Variants in SH3GL3 observed in about 807,000 individuals in gnomAD.
SH3GL3 encodes endophilin-A3.
Under a neutral mutation model 47.7 loss-of-function variants are expected in SH3GL3, and 33 were observed. The observed-to-expected ratio is 0.69, with a 90% CI of 0.52 to 0.92. The LOEUF (loss-of-function observed/expected upper bound fraction) is 0.92, where lower values mean the gene tolerates loss of function less well. Among genes scored for constraint, SH3GL3 ranks in the 40% least tolerant of loss-of-function variants. The probability of loss-of-function intolerance (pLI) is 0.00; values close to 1 mark genes in which losing one functional copy is unlikely to be tolerated. For synonymous variants in SH3GL3, 155 were observed against 148.8 expected (o/e 1.04, Z -0.30); for missense variants, 363 against 417.8 (o/e 0.87, Z 1.14).
At chr15:83,547,589 G>A (rs79023463) in intron 1 of SH3GL3, among the ~76,000 whole-genome samples, 142 of 152,042 alleles carry the variant, frequency 9.3e-4, no homozygotes, top group African/African-American at 3.4e-3. Context: ...TGTGTGGATA[G>A]TTGTTCTATT....
intron 1 of SH3GL3, among the ~76,000 whole-genome samples, chr15:83,548,531 T>A (rs73448439): frequency 0.19 from 29,020 of 152,016 alleles, 3,240 homozygotes; most frequent in Admixed American, 0.26. Flanking sequence ...GAAGATTTCT[T>A]TGATGTTGCC....
intron 1 of SH3GL3, among the ~76,000 whole-genome samples, chr15:83,502,043 T>C (rs2042318221): frequency 6.6e-6 from 1 of 152,258 alleles, no homozygotes. Flanking sequence ...TAACCAAGAC[T>C]AAGCTTCACT....
intron 6 of SH3GL3, among the ~76,000 whole-genome samples, chr15:83,581,850 A>G (rs1335083647): frequency 6.6e-6 from 1 of 152,218 alleles, no homozygotes; most frequent in Non-Finnish European, 1.5e-5. Context: ...GCTGGATTAG[A>G]GACATTGAGC....
At chr15:83,453,476 A>G (rs2039875501) in intron 1 of SH3GL3, among the ~76,000 whole-genome samples, 1 of 139,032 alleles carries the variant, frequency 7.2e-6, no homozygotes, top group African/African-American at 2.7e-5. Flanking sequence ...TTATTGCCAC[A>G]ATTTCAGAGC....
In SH3GL3 at chr15:83,585,991, A is replaced by T. The variant is rs995241869; in HGVS notation, c.625-992A>T. ...AGATTGCATAAATGAATCAGCAGGC[A>T]GACTTTGCCCTAAAGCTGAGTAGAA... is the stretch of plus-strand genomic sequence containing the variant. On this transcript the variant is annotated intron_variant, in intron 6 of 8. Coordinates refer to ENST00000427482, the MANE Select transcript of SH3GL3 (RefSeq NM_003027.5). Among the ~76,000 whole-genome samples, 3 of 152,250 alleles carry T rather than the reference A, an allele frequency of 2.0e-5. No homozygotes were observed. In the South Asian group the frequency reaches 6.2e-4, roughly 31 times the overall value.
chr15:83,607,111 C>T (rs1022301077), intron 8 of SH3GL3, among the ~76,000 whole-genome samples: 5 of 152,084 alleles, frequency 3.3e-5, no homozygotes, highest in Non-Finnish European at 7.4e-5. Flanking sequence ...TTTGAAAAGC[C>T]GTAAGACATA....
chr15:83,471,894 T>C lies in SH3GL3; in HGVS notation c.45+24316T>C, dbSNP rs2040845221. On this transcript the variant is annotated intron_variant, in intron 1 of 8. Transcript: ENST00000427482. ...GGTGTGGATTTCTTTTCTTTTCTTT[T>C]TTTTTTGAGACAGAGTCTCGCTCTT... Among the ~76,000 whole-genome samples the C allele has an allele frequency of 2.0e-5, 3 of 152,208 alleles. No homozygotes were observed. In the South Asian group the frequency reaches 6.2e-4, roughly 32 times the overall value.
At chr15:83,533,788 T>TC (rs1481321166) in intron 1 of SH3GL3, among the ~76,000 whole-genome samples, 1 of 152,224 alleles carries the variant, frequency 6.6e-6, no homozygotes, top group Non-Finnish European at 1.5e-5. Flanking sequence ...GATTGCAGTA[T>TC]GGCTTTGATC....
intron 1 of SH3GL3, among the ~76,000 whole-genome samples, chr15:83,481,274 CAA>C (rs5814148): frequency 0.02 from 2,375 of 116,154 alleles, 20 homozygotes; most frequent in African/African-American, 0.024. Context: ...CATTCTGTCT[CAA>C]AAAAAAAAAA....
the SH3GL3 span, among the ~76,000 whole-genome samples, chr15:83,633,661 C>T: frequency 6.6e-6 from 1 of 152,218 alleles, no homozygotes; most frequent in Non-Finnish European, 1.5e-5. Flanking sequence ...ATGGGCCCCC[C>T]ACCTGCTTGC....
chr15:83,472,667 T>C (rs546138657), intron 1 of SH3GL3, among the ~76,000 whole-genome samples: 1 of 152,358 alleles, frequency 6.6e-6, no homozygotes, highest in Non-Finnish European at 1.5e-5. Flanking sequence ...TGTCAGATAA[T>C]TTTAATGGTT....
At chr15:83,463,477 A>G (rs77187572) in intron 1 of SH3GL3, among the ~76,000 whole-genome samples, 4 of 152,320 alleles carry the variant, frequency 2.6e-5, no homozygotes, top group African/African-American at 4.8e-5. Flanking sequence ...GTGAGATTAC[A>G]TTATAGTAAG....
intron 1 of SH3GL3, chr15:83,490,718 T>G: frequency 1.3e-6 from 2 of 1,533,868 alleles, no homozygotes; most frequent in South Asian, 1.2e-5. Flanking sequence ...AAGGGCAATA[T>G]CATCCTTTGG....
intron 1 of SH3GL3, among the ~76,000 whole-genome samples, chr15:83,494,633 C>T (rs2042007889): frequency 6.6e-6 from 1 of 151,720 alleles, no homozygotes; most frequent in African/African-American, 2.4e-5. Context: ...ACCTCTGCCT[C>T]CCGGGTTCAA....
chr15:83,623,186 C>G (rs970034506), downstream of SH3GL3, among the ~76,000 whole-genome samples: 4 of 152,334 alleles, frequency 2.6e-5, no homozygotes, highest in African/African-American at 9.6e-5. Flanking sequence ...AACCTTAACC[C>G]TTCTCTCATA....
chr15:83,472,867 G>C (rs1311546591), intron 1 of SH3GL3, among the ~76,000 whole-genome samples: 3 of 152,136 alleles, frequency 2.0e-5, no homozygotes, highest in Admixed American at 6.5e-5. Flanking sequence ...AGGGGACATG[G>C]GGGGCACTGC....
chr15:83,603,704 A>G (rs2060445951), intron 8 of SH3GL3, among the ~76,000 whole-genome samples: 1 of 152,186 alleles, frequency 6.6e-6, no homozygotes, highest in Admixed American at 6.5e-5. Flanking sequence ...GTAACTTGCT[A>G]CACACACCAA....
At chr15:83,506,611 GT>G (rs1252916614) in intron 1 of SH3GL3, among the ~76,000 whole-genome samples, 4 of 152,104 alleles carry the variant, frequency 2.6e-5, no homozygotes, top group African/African-American at 9.7e-5. Context: ...TGGCTGTGTT[GT>G]AGATTTGTCT....
At chr15:83,582,759 T>G (rs1189590253) in intron 6 of SH3GL3, among the ~76,000 whole-genome samples, 1 of 152,230 alleles carries the variant, frequency 6.6e-6, no homozygotes, top group East Asian at 1.9e-4. Context: ...TTTCTGATTT[T>G]GTTTCTGCTA....
Sources: gnomAD v4.1 joint callset for allele counts (sites outside exome capture counted in the v4.1 genomes callset) on GRCh38, gnomAD v4.1.1 for gene constraint, MANE v1.5 for transcripts, NCBI Gene and HGNC (gene_info 2026-07-23, HGNC 2026-07-21) for gene names.